Variants in TAF1B observed in about 807,000 individuals in gnomAD.
TAF1B encodes TATA box-binding protein-associated factor RNA polymerase I subunit B.
A neutral mutation model predicts 83.9 loss-of-function variants in TAF1B; 61 were observed. The ratio of observed to expected loss-of-function variants is 0.73; its 90% CI spans 0.59 to 0.90. TAF1B has a LOEUF of 0.90. Ranked by LOEUF, TAF1B falls within the 40% of genes least tolerant of loss-of-function variation. The pLI, the probability that TAF1B is intolerant of heterozygous loss-of-function variation, is 0.00. For synonymous variants in TAF1B, 221 were observed against 224.6 expected (o/e 0.98, Z 0.14); for missense variants, 625 against 677.0 (o/e 0.92, Z 0.85).
At chr2:9,845,198 T>C (rs373329771) in intron 1 of TAF1B, 22 bp from the exon 2 acceptor site, 2 of 1,597,304 alleles carry the variant, frequency 1.3e-6, no homozygotes, top group Non-Finnish European at 1.7e-6. Flanking sequence ...GGGAACACCT[T>C]TTCTGTCCTC....
Position 9,851,594 on chromosome 2 carries a change from CAAGCAG to C in TAF1B, c.264_269del (p.Glu89_Ala90del). The C allele has an allele frequency of 6.2e-7, 1 of 1,612,672 alleles. No homozygotes were observed. The highest frequency in any genetic ancestry group is 8.5e-7 in the Non-Finnish European group (1 of 1,179,622). The stretch of plus-strand genomic sequence containing the variant: ...AGGTTTCCAGTATATTCTTTATCAA[CAAGCAG>C]AAGCCTTAAAGAACCTTGGAGTAGG... On this transcript the variant is annotated inframe_deletion, in exon 4 of 15. Transcript: ENST00000263663.
At chr2:9,843,778 G>T (rs1290581548) in intron 1 of TAF1B, 4 of 512,868 alleles carry the variant, frequency 7.8e-6, no homozygotes, top group Non-Finnish European at 1.4e-5. Context: ...CGGCGAGGTT[G>T]TGGGGGAGGG....
intron 14 of TAF1B, among the ~76,000 whole-genome samples, chr2:9,926,506 A>G (rs1019409355): frequency 1.3e-5 from 2 of 152,092 alleles, no homozygotes; most frequent in South Asian, 2.1e-4. Flanking sequence ...CTCTTCCTCT[A>G]TCCCTGGATA....
Position 9,919,072 on chromosome 2 carries a change from T to C in TAF1B, c.1303T>C (p.Tyr435His). ...GTGGAAAAGTGAAAAGCCACTCTAC[T>C]ACTCATTTGTCGACAAACCAGTAGC... ...YLWKSEKPLY[Y>H]SFVDKPVAYK... is the part of the protein sequence containing the mutation. The change falls in exon 13 of 15, where the codon TAC (tyrosine) becomes CAC (histidine). Residue 435 changes from tyrosine to histidine, a missense_variant. By Grantham distance (83) the Tyr-to-His change is moderately conservative. Coordinates refer to ENST00000263663, the MANE Select transcript of TAF1B (RefSeq NM_005680.3). 6.2e-7 allele frequency: 1 copy of C among 1,614,186 alleles called. No individual in the cohort carries two copies. Among genetic ancestry groups the C allele is most frequent in the Non-Finnish European group, 8.5e-7 (1 of 1,180,030 alleles).
intron 8 of TAF1B, among the ~76,000 whole-genome samples, chr2:9,896,345 A>G (rs1334895493): frequency 2.6e-5 from 4 of 152,080 alleles, no homozygotes; most frequent in African/African-American, 9.7e-5. Context: ...TCACTATTCT[A>G]TAGTATGTTG....
At chr2:9,875,320 G>A (rs532762347) in intron 6 of TAF1B, among the ~76,000 whole-genome samples, 15 of 152,186 alleles carry the variant, frequency 9.9e-5, no homozygotes, top group Admixed American at 5.9e-4. Context: ...CCATGATTAC[G>A]TTTTTGGCTG....
intron 4 of TAF1B, among the ~76,000 whole-genome samples, chr2:9,853,391 C>T (rs1176741930): frequency 6.6e-6 from 1 of 152,020 alleles, no homozygotes; most frequent in Admixed American, 6.6e-5. Context: ...TAATAGCTGT[C>T]TTACAATATT....
chr2:9,906,053 T>C (rs1187438617), intron 9 of TAF1B, among the ~76,000 whole-genome samples: 1 of 151,526 alleles, frequency 6.6e-6, no homozygotes. Flanking sequence ...TTTTTTTTTC[T>C]TTCTGCTTCT....
intron 14 of TAF1B, among the ~76,000 whole-genome samples, chr2:9,924,806 T>C (rs1380221516): frequency 1.3e-5 from 2 of 152,204 alleles, no homozygotes; most frequent in Non-Finnish European, 2.9e-5. Flanking sequence ...TGCTGTAAAA[T>C]TGTGAAAACA....
chr2:9,900,510 TG>T (rs1665150809), intron 8 of TAF1B, among the ~76,000 whole-genome samples: 1 of 152,166 alleles, frequency 6.6e-6, no homozygotes, highest in Non-Finnish European at 1.5e-5. Flanking sequence ...CACTCCAGCC[TG>T]GGCAATAGAG....
intron 7 of TAF1B, among the ~76,000 whole-genome samples, chr2:9,877,527 C>T (rs910680403): frequency 1.3e-5 from 2 of 152,120 alleles, no homozygotes; most frequent in African/African-American, 4.8e-5. Context: ...TCTGTCCTCT[C>T]TACCCTCATT....
intron 3 of TAF1B, 40 bp downstream of exon 3, chr2:9,849,500 A>C: frequency 7.2e-7 from 1 of 1,397,680 alleles, no homozygotes; most frequent in African/African-American, 1.5e-5. Context: ...TTCTTTATTC[A>C]CATCTTTCAC....
intron 5 of TAF1B, among the ~76,000 whole-genome samples, chr2:9,860,243 A>C (rs181398455): frequency 1.3e-5 from 2 of 152,180 alleles, no homozygotes; most frequent in Non-Finnish European, 2.9e-5. Context: ...AGCATCCAAG[A>C]GGAAATTTCA....
At chr2:9,888,684 C>T (rs1314210288) in intron 8 of TAF1B, among the ~76,000 whole-genome samples, 1 of 151,052 alleles carries the variant, frequency 6.6e-6, no homozygotes. Context: ...ATATAATGTG[C>T]CTTTTTTCCT....
At chr2:9,847,910 C>T (rs779768910) in intron 2 of TAF1B, among the ~76,000 whole-genome samples, 2 of 152,106 alleles carry the variant, frequency 1.3e-5, no homozygotes, top group African/African-American at 2.4e-5. Flanking sequence ...AATCTTCTGC[C>T]GTAACAACTT....
At chr2:9,864,525 T>G (rs995242783) in intron 5 of TAF1B, among the ~76,000 whole-genome samples, 1 of 152,194 alleles carries the variant, frequency 6.6e-6, no homozygotes, top group Non-Finnish European at 1.5e-5. Flanking sequence ...GAGGAGCTGG[T>G]ACCATTCCTT....
intron 14 of TAF1B, among the ~76,000 whole-genome samples, chr2:9,928,501 T>C (rs1323181838): frequency 3.9e-5 from 6 of 152,216 alleles, no homozygotes; most frequent in Non-Finnish European, 1.5e-5. Context: ...CCATGGAATG[T>C]TCTTCCATTT....
chr2:9,928,672 G>T (rs1480503074), intron 14 of TAF1B, among the ~76,000 whole-genome samples: 1 of 152,146 alleles, frequency 6.6e-6, no homozygotes, highest in African/African-American at 2.4e-5. Flanking sequence ...TCTGTTATTG[G>T]TGTAAAGGAA....
At chr2:9,855,669 GTGAGACTT>G (rs1207880688) in intron 5 of TAF1B, among the ~76,000 whole-genome samples, 1 of 152,046 alleles carries the variant, frequency 6.6e-6, no homozygotes, top group Non-Finnish European at 1.5e-5. Context: ...GGGCAACAGA[GTGAGACTT>G]GTCTCAAAAA....
Sources: allele counts gnomAD v4.1 joint callset (sites outside exome capture counted in the v4.1 genomes callset), GRCh38; gene constraint gnomAD v4.1.1; transcripts MANE v1.5; gene names NCBI Gene and HGNC (gene_info 2026-07-23, HGNC 2026-07-21).